The following CYTH1 variants were observed in gnomAD, a reference collection of about 807,000 sequenced individuals.
The protein encoded by CYTH1 is cytohesin 1.
In CYTH1, 18 loss-of-function variants were observed where a neutral mutation model predicts 61.8. The observed-to-expected ratio is 0.29, with a 90% CI of 0.20 to 0.43. CYTH1 has a LOEUF of 0.43. Among genes scored for constraint, CYTH1 ranks in the 20% least tolerant of loss-of-function variants. The pLI is 1.00. For synonymous variants in CYTH1, 174 were observed against 184.3 expected, an observed-to-expected ratio of 0.94 and a Z score of 0.45; for missense variants, 336 against 510.5, an observed-to-expected ratio of 0.66 and a Z score of 3.29.
intron 1 of CYTH1, among the ~76,000 whole-genome samples, chr17:78,741,522 G>C (rs1009951092): frequency 2.6e-5 from 4 of 152,162 alleles, no homozygotes; most frequent in African/African-American, 9.7e-5. Context: ...AGAAAGGTAA[G>C]ATAGGCACCA....
At position 78,708,257 on chromosome 17, in the gene CYTH1, A is replaced by G. The variant is rs1331188781; in HGVS notation, c.110T>C (p.Leu37Pro). 1.2e-6 allele frequency: 2 copies of G among 1,612,502 alleles called. No homozygotes were observed. The highest frequency in any genetic ancestry group is 1.7e-6 in the Non-Finnish European group (2 of 1,179,642). ...KQELLADIQR[L>P]KDEIAEVANE... ...AGCTACTTCTGCTATCTCATCCTTC[A>G]GCCTCTATAAAACAGACAGTCCAGA... The change falls in exon 3 of 14, where the codon CTG becomes CCG. Residue 37 changes from leucine (L) to proline (P), a missense_variant. Physicochemically the swap from Leu to Pro is moderately conservative, Grantham distance 98. Transcript: ENST00000446868.
intron 1 of CYTH1, among the ~76,000 whole-genome samples, chr17:78,777,527 A>G (rs2093497505): frequency 6.6e-6 from 1 of 152,238 alleles, no homozygotes; most frequent in African/African-American, 2.4e-5. Flanking sequence ...TGAATACAAA[A>G]GAGTACTGGA....
At chr17:78,686,770 GTTAA>G (rs1249662848) in intron 11 of CYTH1, among the ~76,000 whole-genome samples, 2 of 152,174 alleles carry the variant, frequency 1.3e-5, no homozygotes, top group East Asian at 3.9e-4. Flanking sequence ...ATTTTTTTAA[GTTAA>G]TTAATTTATT....
At chr17:78,781,170 TAAA>T (rs899046034) in intron 1 of CYTH1, among the ~76,000 whole-genome samples, 7 of 126,616 alleles carry the variant, frequency 5.5e-5, no homozygotes, top group African/African-American at 1.3e-4. Context: ...TCTCGTCTCT[TAAA>T]AAAAAAAAAA....
intron 11 of CYTH1, among the ~76,000 whole-genome samples, chr17:78,690,783 T>A (rs1301705151): frequency 6.6e-6 from 1 of 152,180 alleles, no homozygotes; most frequent in African/African-American, 2.4e-5. Flanking sequence ...GAATTAAGGA[T>A]TAAGGTGACA....
intron 1 of CYTH1, among the ~76,000 whole-genome samples, chr17:78,739,564 G>A (rs528013258): frequency 2.6e-5 from 4 of 152,082 alleles, no homozygotes; most frequent in Non-Finnish European, 4.4e-5. Context: ...GGTGGTAGGC[G>A]AACTGCATGG....
chr17:78,677,718 A>G (rs1239627235), intron 13 of CYTH1: 3 of 152,314 alleles, frequency 2.0e-5, no homozygotes, highest in African/African-American at 7.2e-5. Flanking sequence ...GCACTTCGTG[A>G]GAGGAAAACA....
rs1298542444 is a variant in CYTH1 at position 78,776,825 on chromosome 17, T to TA, written c.22+5376_22+5377insT. ...AGTGCCATAAACAGTTTTTTTTTTT[T>TA]TAAAAAAAGAAACCAATAGGCCAGG... On this transcript the variant is annotated intron_variant, in intron 1 of 13. Transcript: ENST00000446868. 1.4e-3 allele frequency among the ~76,000 whole-genome samples: 210 copies of TA among 151,630 alleles called. 1 individual carries two copies. Among genetic ancestry groups the TA allele is most frequent in the African/African-American group, 5.0e-3 (205 of 41,358 alleles).
chr17:78,758,193 A>G (rs1424414901), intron 1 of CYTH1, among the ~76,000 whole-genome samples: 1 of 152,210 alleles, frequency 6.6e-6, no homozygotes, highest in African/African-American at 2.4e-5. Flanking sequence ...GGAAACTTCT[A>G]AATAACAAGA....
Position 78,698,163 on chromosome 17 carries a change from G to A in CYTH1, c.811+106C>T, listed in dbSNP as rs186497127. 2.7e-4 allele frequency: 249 copies of A among 926,986 alleles called. 1 individual carries two copies. The highest frequency in any genetic ancestry group is 2.6e-3 in the East Asian group (107 of 41,244). The allele number at this position is 926,986 out of a possible 1,614,324, so 57.4% of individuals were successfully genotyped here. ...CACACGCACGCGCACACATGCACACGCACAAACACGCACACGCGCACACAC... is the reference window on the plus strand; with the variant it reads ...CACACGCACGCGCACACATGCACACACACAAACACGCACACGCGCACACAC... On this transcript the variant is annotated intron_variant, in intron 9 of 13. Transcript: ENST00000446868.
At chr17:78,740,393 T>C (rs1374614227) in intron 1 of CYTH1, among the ~76,000 whole-genome samples, 2 of 152,234 alleles carry the variant, frequency 1.3e-5, no homozygotes, top group East Asian at 3.8e-4. Flanking sequence ...GCTCCCACTA[T>C]TCAATGCCTC....
intron 1 of CYTH1, among the ~76,000 whole-genome samples, chr17:78,761,330 A>G (rs548862448): frequency 6.6e-6 from 1 of 152,324 alleles, no homozygotes; most frequent in South Asian, 2.1e-4. Context: ...CTAGGCTGGA[A>G]TGGGGTGATG....
At chr17:78,752,891 G>A (rs556604279) in intron 1 of CYTH1, among the ~76,000 whole-genome samples, 3 of 152,238 alleles carry the variant, frequency 2.0e-5, no homozygotes, top group African/African-American at 4.8e-5. Context: ...GTACTATAAC[G>A]CATGAATTTT....
intron 13 of CYTH1, chr17:78,677,244 C>G (rs906077917): frequency 5.3e-6 from 2 of 374,256 alleles, no homozygotes; most frequent in Non-Finnish European, 5.3e-6. Flanking sequence ...TGGGGTGAAT[C>G]TCCCTTGGCT....
chr17:78,680,343 T>G lies in CYTH1; in HGVS notation c.965A>C (p.Asn322Thr). 6.2e-7 allele frequency: 1 copy of G among 1,610,950 alleles called. No individual in the cohort carries two copies. The highest frequency in any genetic ancestry group is 8.5e-7 in the Non-Finnish European group (1 of 1,178,168). ...GTCGGGGATATAAAGCTCAAAGCAG[T>G]TCTGAGAATCAAAACAGAGAGGGAG... ...IREVEDSKKPNCFELYIPDNK... is the reference protein window; with the variant it reads ...IREVEDSKKPTCFELYIPDNK... The change falls in exon 13 of 14, where the codon AAC (asparagine) becomes ACC (threonine). Residue 322 changes from asparagine to threonine, a missense_variant and splice_region_variant. Asn to Thr is a moderately conservative substitution (Grantham distance 65). Around this residue, in one of 4 missense-constraint regions of CYTH1, gnomAD observed 83 missense variants for 115.6 expected, o/e 0.72. Coordinates refer to ENST00000446868, the MANE Select transcript of CYTH1 (RefSeq NM_004762.6).
rs960752973 is a variant in CYTH1, at chr17:78,765,775, C to A, written c.22+16427G>T. 2.0e-5 allele frequency among the ~76,000 whole-genome samples: 3 copies of A among 152,162 alleles called. No homozygotes were observed. The South Asian group carries it at 6.2e-4, about 32-fold the overall frequency. ...GGATGTGCTCCCCAAGAACCAGAGT[C>A]CACAGCTGAGCTGAGAGCAGGCAAA... On this transcript the variant is annotated intron_variant, in intron 1 of 13. Coordinates refer to ENST00000446868, the MANE Select transcript of CYTH1 (RefSeq NM_004762.6).
intron 1 of CYTH1, among the ~76,000 whole-genome samples, chr17:78,719,028 T>C (rs2093206444): frequency 6.6e-6 from 1 of 152,166 alleles, no homozygotes. Context: ...CCTGGAAGCA[T>C]CCACTGAGAA....
intron 1 of CYTH1, among the ~76,000 whole-genome samples, chr17:78,714,878 A>C (rs1035394668): frequency 2.6e-5 from 4 of 152,196 alleles, no homozygotes; most frequent in African/African-American, 4.8e-5. Context: ...GAAAGAAAAA[A>C]AAAACCTTTA....
chr17:78,777,654 T>C (rs939737175), intron 1 of CYTH1, among the ~76,000 whole-genome samples: 1 of 151,822 alleles, frequency 6.6e-6, no homozygotes, highest in Non-Finnish European at 1.5e-5. Flanking sequence ...TTTTTAATAC[T>C]AAAAGGTAGC....
Sources: gnomAD v4.1 joint callset for allele counts (sites outside exome capture counted in the v4.1 genomes callset) on GRCh38, gnomAD v4.1.1 for gene constraint, gnomAD v4.1.1 regional missense constraint, MANE v1.5 for transcripts, NCBI Gene and HGNC (gene_info 2026-07-23, HGNC 2026-07-21) for gene names.